CNTN5: variants seen among roughly 807,000 people sequenced by gnomAD.
CNTN5 encodes the protein contactin 5.
In CNTN5, 77 loss-of-function variants were observed where a neutral mutation model predicts 129.1. That is an observed-to-expected ratio of 0.60 (90% CI 0.50 to 0.72). CNTN5 has a LOEUF of 0.72. CNTN5 is among the 30% of genes least tolerant of loss of function. The pLI is 0.00. For missense variants in CNTN5, 1,478 were observed against 1,328.8 expected (o/e 1.11, Z -1.75); for synonymous variants, 509 against 465.6 (o/e 1.09, Z -1.20).
At chr11:99,330,804 T>C (rs1865969392) in intron 2 of CNTN5, among the ~76,000 whole-genome samples, 1 of 152,144 alleles carries the variant, frequency 6.6e-6, no homozygotes, top group East Asian at 1.9e-4. Context: ...TTCCTGTCAT[T>C]TGTTTCTTCA....
intron 1 of CNTN5, among the ~76,000 whole-genome samples, chr11:99,209,981 C>A (rs1399871102): frequency 1.3e-5 from 2 of 152,056 alleles, no homozygotes; most frequent in Admixed American, 6.6e-5. Context: ...AATGTAAAAC[C>A]TATCAAAGTT....
intron 23 of CNTN5, among the ~76,000 whole-genome samples, chr11:100,350,482 C>G (rs1952382562): frequency 6.6e-6 from 1 of 151,754 alleles, no homozygotes; most frequent in Admixed American, 6.6e-5. Context: ...CTCTGGAAGT[C>G]CTTCACTAAA....
At chr11:99,515,537 T>C (rs1947014143) in intron 2 of CNTN5, among the ~76,000 whole-genome samples, 1 of 152,054 alleles carries the variant, frequency 6.6e-6, no homozygotes, top group African/African-American at 2.4e-5. Context: ...TAATAAGAGG[T>C]AATTATTAGG....
intron 13 of CNTN5, among the ~76,000 whole-genome samples, chr11:100,099,011 G>A (rs1461414665): frequency 6.6e-6 from 1 of 152,018 alleles, no homozygotes; most frequent in Non-Finnish European, 1.5e-5. Flanking sequence ...AGATTAAAGG[G>A]CGGGAAAGAC....
At chr11:99,215,058 C>A (rs192931797) in intron 1 of CNTN5, among the ~76,000 whole-genome samples, 35 of 152,058 alleles carry the variant, frequency 2.3e-4, no homozygotes, top group Middle Eastern at 6.9e-3. Flanking sequence ...TAATGGGTTT[C>A]TAGTGCCTAA....
intron 2 of CNTN5, among the ~76,000 whole-genome samples, chr11:99,415,524 G>A (rs914557919): frequency 6.6e-6 from 1 of 152,146 alleles, no homozygotes; most frequent in Non-Finnish European, 1.5e-5. Flanking sequence ...ATGCAGAAAA[G>A]AGGGGGAAAG....
chr11:99,048,837 T>C (rs1465002865), intron 1 of CNTN5, among the ~76,000 whole-genome samples: 1 of 152,188 alleles, frequency 6.6e-6, no homozygotes, highest in African/African-American at 2.4e-5. Context: ...GTAAAAATGG[T>C]TTCTATTCTG....
chr11:99,595,158 AC>A (rs550692341), intron 3 of CNTN5, among the ~76,000 whole-genome samples: 347 of 152,282 alleles, frequency 2.3e-3, no homozygotes, highest in African/African-American at 8.1e-3. Context: ...CACTAGGGTG[AC>A]TATAGCAAAG....
chr11:99,808,219 A>G (rs1946329507), intron 3 of CNTN5, among the ~76,000 whole-genome samples: 1 of 152,228 alleles, frequency 6.6e-6, no homozygotes, highest in Non-Finnish European at 1.5e-5. Context: ...TTGTGCAAAT[A>G]CTATGGATGA....
chr11:100,239,163 A>T (rs528728995), intron 16 of CNTN5, among the ~76,000 whole-genome samples: 18 of 152,362 alleles, frequency 1.2e-4, no homozygotes, highest in Non-Finnish European at 2.2e-4. Flanking sequence ...TTGTGTTGAC[A>T]TCCATCCTTG....
intron 21 of CNTN5, among the ~76,000 whole-genome samples, chr11:100,333,295 C>G (rs1366580105): frequency 6.7e-6 from 1 of 149,444 alleles, no homozygotes; most frequent in Non-Finnish European, 1.5e-5. Flanking sequence ...TGAAACACAT[C>G]ATGCTCATGG....
chr11:100,007,921 C>T (rs1940292898), intron 9 of CNTN5, among the ~76,000 whole-genome samples: 1 of 151,974 alleles, frequency 6.6e-6, no homozygotes, highest in Admixed American at 6.6e-5. Flanking sequence ...GCTGCTCTTC[C>T]TTTCACTTGA....
At chr11:99,231,174 C>T (rs112386036) in intron 1 of CNTN5, among the ~76,000 whole-genome samples, 8 of 152,126 alleles carry the variant, frequency 5.3e-5, no homozygotes, top group South Asian at 4.1e-4. Context: ...TACCCAGTAA[C>T]GGAATTGCTT....
At chr11:99,584,097 T>G (rs540882590) in intron 3 of CNTN5, among the ~76,000 whole-genome samples, 4 of 152,328 alleles carry the variant, frequency 2.6e-5, no homozygotes, top group Admixed American at 2.0e-4. Context: ...GAGGATGTGA[T>G]TTCTCTACCA....
rs561721823 is a variant in CNTN5 at position 99,221,739 on chromosome 11, T to A, written c.-209-103607T>A. ...AATACTCATGCCTTTTGTATTAATT[T>A]ACTCAGAGGAGTAATTTTGAACTAA... On this transcript the variant is annotated intron_variant, in intron 1 of 24. Coordinates refer to ENST00000524871, the MANE Select transcript of CNTN5 (RefSeq NM_014361.4). 2.0e-5 allele frequency among the ~76,000 whole-genome samples: 3 copies of A among 152,090 alleles called. No homozygotes were observed. The East Asian group carries it at 5.8e-4, about 29-fold the overall frequency.
At chr11:99,267,473 T>G (rs926463541) in intron 1 of CNTN5, among the ~76,000 whole-genome samples, 3 of 152,048 alleles carry the variant, frequency 2.0e-5, no homozygotes, top group Non-Finnish European at 2.9e-5. Context: ...ATGTAACACT[T>G]ATCTTTTTCT....
At chr11:100,000,104 A>G (rs1217283042) in intron 8 of CNTN5, among the ~76,000 whole-genome samples, 1 of 152,010 alleles carries the variant, frequency 6.6e-6, no homozygotes, top group African/African-American at 2.4e-5. Context: ...ACATGTGTAC[A>G]TATGTAACTA....
chr11:99,637,776 T>C (rs994671162), intron 3 of CNTN5, among the ~76,000 whole-genome samples: 2 of 151,628 alleles, frequency 1.3e-5, no homozygotes, highest in Non-Finnish European at 1.5e-5. Flanking sequence ...TCTCTACTTA[T>C]TACTTATATA....
intron 2 of CNTN5, among the ~76,000 whole-genome samples, chr11:99,488,143 T>C (rs2135339390): frequency 6.6e-6 from 1 of 150,786 alleles, no homozygotes; most frequent in East Asian, 2.0e-4. Flanking sequence ...GAATCTCTTC[T>C]AAGAATCTCC....
Sources: allele counts gnomAD v4.1 joint callset (sites outside exome capture counted in the v4.1 genomes callset), GRCh38; gene constraint gnomAD v4.1.1; transcripts MANE v1.5; gene names NCBI Gene and HGNC (gene_info 2026-07-23, HGNC 2026-07-21).